Variants in TANC2 observed in about 807,000 individuals in gnomAD.
TANC2 encodes the protein protein TANC2.
A neutral mutation model predicts 210.5 loss-of-function variants in TANC2; 26 were observed. The ratio of observed to expected loss-of-function variants is 0.12; its 90% confidence interval spans 0.09 to 0.17. TANC2 has a LOEUF of 0.17. TANC2 is among the 10% of genes least tolerant of loss of function. The pLI is 1.00. For missense variants in TANC2, 2,129 were observed against 2,608.9 expected (o/e 0.82, Z 4.01); for synonymous variants, 931 against 967.1 (o/e 0.96, Z 0.69).
chr17:63,123,890 A>G (rs543276095), intron 4 of TANC2, among the ~76,000 whole-genome samples: 2 of 151,612 alleles, frequency 1.3e-5, no homozygotes, highest in East Asian at 3.9e-4. Flanking sequence ...TTTAGTAGAG[A>G]TGGGGTTTCA....
chr17:63,314,337 T>G, intron 9 of TANC2, 51 bp from the exon 10 acceptor site: 1 of 1,594,124 alleles, frequency 6.3e-7, no homozygotes, highest in Non-Finnish European at 8.6e-7. Flanking sequence ...TCTTTGTTTC[T>G]CTCAATGTTG....
At chr17:63,206,377 G>A (rs2041711770) in intron 7 of TANC2, among the ~76,000 whole-genome samples, 1 of 152,160 alleles carries the variant, frequency 6.6e-6, no homozygotes, top group Non-Finnish European at 1.5e-5. Context: ...TTGAAAGGAA[G>A]GATTTGGACA....
intron 11 of TANC2, chr17:63,332,055 C>T: frequency 6.8e-6 from 2 of 293,492 alleles, no homozygotes; most frequent in South Asian, 3.9e-5. Context: ...ATCAATTATG[C>T]CATCTGTAGA....
At chr17:63,002,240 G>C (rs908121377) in intron 1 of TANC2, among the ~76,000 whole-genome samples, 2 of 152,160 alleles carry the variant, frequency 1.3e-5, no homozygotes, top group African/African-American at 4.8e-5. Flanking sequence ...GAAGTAGTAA[G>C]GCATGAAGCT....
At chr17:63,195,187 C>G (rs2460107) in intron 6 of TANC2, among the ~76,000 whole-genome samples, 30,098 of 152,076 alleles carry the variant, frequency 0.2, 6,356 homozygotes, top group African/African-American at 0.54. Context: ...TAAATACTAT[C>G]TTAACTCCCA....
At chr17:63,120,678 GTGGTGCACACCTC>G (rs1331743510) in intron 4 of TANC2, 2 of 151,674 alleles carry the variant, frequency 1.3e-5, no homozygotes, top group African/African-American at 4.8e-5. Context: ...TCCAGGCATG[GTGGTGCACACCTC>G]TGGTCCCAGC....
At chr17:63,090,015 T>C (rs2037122603) in intron 3 of TANC2, among the ~76,000 whole-genome samples, 1 of 152,162 alleles carries the variant, frequency 6.6e-6, no homozygotes, top group Admixed American at 6.5e-5. Context: ...TATATAGTCA[T>C]GTTAAATACC....
chr17:63,303,199 G>A (rs113745206), intron 9 of TANC2, among the ~76,000 whole-genome samples: 2 of 152,136 alleles, frequency 1.3e-5, no homozygotes, highest in Non-Finnish European at 2.9e-5. Context: ...TGGTGTCATT[G>A]GTCTTTATAT....
chr17:63,135,281 A>G (rs543814918), intron 4 of TANC2, among the ~76,000 whole-genome samples: 3 of 152,342 alleles, frequency 2.0e-5, no homozygotes, highest in African/African-American at 4.8e-5. Context: ...TCATATCACT[A>G]TCTGTTATGT....
At chr17:63,217,365 T>C (rs2042051806) in intron 7 of TANC2, among the ~76,000 whole-genome samples, 1 of 152,178 alleles carries the variant, frequency 6.6e-6, no homozygotes, top group Non-Finnish European at 1.5e-5. Context: ...GTAGGGACAT[T>C]ATTACAGGCC....
chr17:63,397,866 G>A (rs1188168735), intron 18 of TANC2, among the ~76,000 whole-genome samples: 1 of 152,174 alleles, frequency 6.6e-6, no homozygotes, highest in Non-Finnish European at 1.5e-5. Context: ...TAAACAACTG[G>A]CTTTCAGAAT....
chr17:63,215,051 C>G (rs1490055081), intron 7 of TANC2, among the ~76,000 whole-genome samples: 3 of 152,206 alleles, frequency 2.0e-5, no homozygotes, highest in Non-Finnish European at 4.4e-5. Flanking sequence ...TTATTTCCCT[C>G]TACCCATTTC....
rs545752050 is a variant in TANC2, at chr17:63,379,137, GAAAATA to G, written c.2583-575_2583-570del. Among the ~76,000 whole-genome samples the G allele has an allele frequency of 2.9e-3, 449 of 152,276 alleles. 3 individuals are homozygous for G. Among genetic ancestry groups the G allele is most frequent in the African/African-American group, 0.01 (427 of 41,570 alleles). ...GGAATGAGAGTTGCTGACAGAGACAGAAAATAAAAATGAAAATCTTGTAATGCCATC... is the reference window on the plus strand; with the variant it reads ...GGAATGAGAGTTGCTGACAGAGACAGAAAATGAAAATCTTGTAATGCCATC... On this transcript the variant is annotated intron_variant, in intron 14 of 27. Transcript: ENST00000689528.
intron 8 of TANC2, among the ~76,000 whole-genome samples, chr17:63,239,274 C>A (rs540630967): frequency 6.6e-5 from 10 of 152,116 alleles, no homozygotes; most frequent in African/African-American, 9.7e-5. Context: ...AGCTAAATTG[C>A]TGTTTAATAA....
chr17:63,413,670 G>A (rs1236188719), intron 25 of TANC2, 36 bp downstream of exon 25: 5 of 1,521,906 alleles, frequency 3.3e-6, no homozygotes, highest in Non-Finnish European at 4.5e-6. Context: ...CTTCAGAACA[G>A]CCACTGACTG....
chr17:63,380,682 G>T (rs954722663), intron 15 of TANC2, among the ~76,000 whole-genome samples: 4 of 152,138 alleles, frequency 2.6e-5, no homozygotes, highest in Non-Finnish European at 5.9e-5. Flanking sequence ...ACAGTTCTCT[G>T]GGTCAGGCTT....
At chr17:63,182,528 A>G (rs1439453620) in intron 5 of TANC2, 1 of 245,672 alleles carries the variant, frequency 4.1e-6, no homozygotes, top group Non-Finnish European at 8.2e-6. Context: ...ATGAAAACTC[A>G]TTTGAGGACT....
chr17:63,190,717 C>T (rs1235612736), intron 5 of TANC2, among the ~76,000 whole-genome samples: 1 of 152,030 alleles, frequency 6.6e-6, no homozygotes, highest in Non-Finnish European at 1.5e-5. Flanking sequence ...CATGGAAAAC[C>T]ATAATGCACC....
chr17:63,168,710 A>T (rs2040298711), intron 5 of TANC2, among the ~76,000 whole-genome samples: 1 of 152,154 alleles, frequency 6.6e-6, no homozygotes, highest in African/African-American at 2.4e-5. Flanking sequence ...TGTCCTGAAG[A>T]TATTTGAGTT....
Sources: allele counts gnomAD v4.1 joint callset (sites outside exome capture counted in the v4.1 genomes callset), GRCh38; gene constraint gnomAD v4.1.1; transcripts MANE v1.5; gene names NCBI Gene and HGNC (gene_info 2026-07-23, HGNC 2026-07-21).